Variants in FAM169A observed in about 807,000 individuals in gnomAD.
FAM169A encodes soluble lamin-associated protein of 75 kDa.
A neutral mutation model predicts 75.7 loss-of-function variants in FAM169A; 24 were observed. The ratio of observed to expected loss-of-function variants is 0.32; its 90% CI spans 0.23 to 0.45. FAM169A has a LOEUF of 0.45. FAM169A is among the 20% of genes least tolerant of loss of function. The pLI is 1.00. For synonymous variants in FAM169A, 271 were observed against 271.0 expected (o/e 1.00, Z 0.00); for missense variants, 673 against 784.0 (o/e 0.86, Z 1.69).
At chr5:74,791,540 G>A (rs112899446) in intron 11 of FAM169A, among the ~76,000 whole-genome samples, 10,416 of 152,284 alleles carry the variant, frequency 0.068, 808 homozygotes, top group African/African-American at 0.19. Flanking sequence ...AACAGGCTAA[G>A]GAGGGAGTTA....
At chr5:74,851,409 T>A (rs1749438922) in intron 1 of FAM169A, among the ~76,000 whole-genome samples, 1 of 152,144 alleles carries the variant, frequency 6.6e-6, no homozygotes, top group Admixed American at 6.5e-5. Context: ...ATGAAACTCA[T>A]AAAGTTATTT....
At chr5:74,808,500 T>C (rs765016385) in intron 6 of FAM169A, among the ~76,000 whole-genome samples, 1 of 152,088 alleles carries the variant, frequency 6.6e-6, no homozygotes, top group Non-Finnish European at 1.5e-5. Flanking sequence ...GGGAGTTAAT[T>C]GTTTAATGGG....
chr5:74,856,036 A>T (rs1047115127), intron 1 of FAM169A, among the ~76,000 whole-genome samples: 4 of 152,156 alleles, frequency 2.6e-5, no homozygotes, highest in African/African-American at 7.2e-5. Flanking sequence ...TATTAAAGAG[A>T]TTTTCCTTTC....
chr5:74,815,115 C>T (rs531822330), intron 5 of FAM169A, among the ~76,000 whole-genome samples: 1 of 152,096 alleles, frequency 6.6e-6, no homozygotes, highest in African/African-American at 2.4e-5. Context: ...GAACAATCTC[C>T]GAGACTACCG....
chr5:74,799,861 A>C, intron 10 of FAM169A: 1 of 1,016,772 alleles, frequency 9.8e-7, no homozygotes, highest in Non-Finnish European at 1.6e-6. Flanking sequence ...GACATTCCAA[A>C]ACAGAGCATC....
At chr5:74,863,425 T>TATGATTC (rs1425802653) in intron 1 of FAM169A, among the ~76,000 whole-genome samples, 4 of 152,194 alleles carry the variant, frequency 2.6e-5, no homozygotes, top group Non-Finnish European at 2.9e-5. Context: ...ATTCCTTTTT[T>TATGATTC]CACTTAGAAT....
intron 5 of FAM169A, among the ~76,000 whole-genome samples, chr5:74,825,670 A>T (rs1747985235): frequency 6.6e-6 from 1 of 152,098 alleles, no homozygotes; most frequent in African/African-American, 2.4e-5. Context: ...ACTCTTTATT[A>T]ATTTGACGGG....
intron 5 of FAM169A, among the ~76,000 whole-genome samples, chr5:74,830,184 AAG>A (rs1748241034): frequency 6.6e-6 from 1 of 152,146 alleles, no homozygotes; most frequent in African/African-American, 2.4e-5. Flanking sequence ...ACAACATAAA[AAG>A]AGAGGAAAGA....
At position 74,781,943 on chromosome 5, in the gene FAM169A, C is replaced by T. The variant is rs1745432953; in HGVS notation, c.1530G>A (p.Met510Ile). 3.1e-6 allele frequency: 5 copies of T among 1,614,024 alleles called. No homozygotes were observed. Among genetic ancestry groups the T allele is most frequent in the Non-Finnish European group, 4.2e-6 (5 of 1,179,946 alleles). The change falls in exon 13 of 13, where the codon ATG (methionine) becomes ATA (isoleucine). Residue 510 changes from methionine (M) to isoleucine (I), a missense_variant. Physicochemically the swap from Met to Ile is conservative, Grantham distance 10. This residue lies in a region of FAM169A where 510 missense variants were observed against 550.9 expected (regional missense o/e 0.93). Coordinates refer to ENST00000687041, the MANE Select transcript of FAM169A (RefSeq NM_001376049.1). ...TTGGAAGTAGGGACAATTTCTCTTC[C>T]ATGTGCCCCTTTTCATCAGATGTGC... ...DEGTSDEKGH[M>I]EEKLSLLPRK...
At chr5:74,858,060 A>G (rs1749815707) in intron 1 of FAM169A, among the ~76,000 whole-genome samples, 1 of 152,060 alleles carries the variant, frequency 6.6e-6, no homozygotes, top group African/African-American at 2.4e-5. Context: ...GATGTCTACA[A>G]TTTGGGTACT....
At chr5:74,852,210 C>CA (rs1285541051) in intron 1 of FAM169A, among the ~76,000 whole-genome samples, 1 of 152,160 alleles carries the variant, frequency 6.6e-6, no homozygotes, top group Non-Finnish European at 1.5e-5. Flanking sequence ...CATGGGCTGC[C>CA]ATTATATAGC....
At position 74,778,890 on chromosome 5, in the gene FAM169A, A is replaced by AT. The variant is rs1216201634; in HGVS notation, c.*2569dup. The AT allele has an allele frequency of 6.6e-6, 1 of 152,036 alleles. No individual in the cohort carries two copies. Among genetic ancestry groups the AT allele is most frequent in the Non-Finnish European group, 1.5e-5 (1 of 67,912 alleles). 9.4% of individuals were successfully genotyped at this position (152,036 alleles called of 1,614,324 possible). ...ATTTTCAGTCCTCTGTAATTGTGAAATTTTTTCTAATGCCTTGCAAAAACT... is the reference window on the plus strand; with the variant it reads ...ATTTTCAGTCCTCTGTAATTGTGAAATTTTTTTCTAATGCCTTGCAAAAACT... On this transcript the variant is annotated 3_prime_UTR_variant, in exon 13 of 13. Transcript: ENST00000687041.
intron 1 of FAM169A, among the ~76,000 whole-genome samples, chr5:74,845,740 G>T (rs1215151623): frequency 5.3e-5 from 8 of 152,258 alleles, no homozygotes; most frequent in Admixed American, 4.6e-4. Flanking sequence ...CACAAGATTT[G>T]CAGCCAACTT....
intron 5 of FAM169A, among the ~76,000 whole-genome samples, chr5:74,828,098 TAAG>T (rs1488717044): frequency 6.6e-6 from 1 of 152,226 alleles, no homozygotes; most frequent in African/African-American, 2.4e-5. Flanking sequence ...CTTGTTCAAA[TAAG>T]AAGGAACCAG....
chr5:74,866,323 G>A lies in FAM169A; in HGVS notation c.-162C>T. On this transcript the variant is annotated 5_prime_UTR_variant, in exon 1 of 13. Transcript: ENST00000687041. The stretch of plus-strand genomic sequence containing the variant: ...AGTGCGGCTGCCTCCCGCTCGCCCC[G>A]GACGCCCGGCTCCTCGTCGCGGGTC... 2 of 983,740 alleles carry A rather than the reference G, an allele frequency of 2.0e-6. No individual in the cohort carries two copies. The highest frequency in any genetic ancestry group is 2.4e-6 in the Non-Finnish European group (2 of 829,478). 60.9% of individuals were successfully genotyped at this position (983,740 alleles called of 1,614,324 possible).
chr5:74,839,081 G>T, intron 3 of FAM169A, 31 bp from the exon 4 acceptor site: 1 of 1,497,470 alleles, frequency 6.7e-7, no homozygotes, highest in Non-Finnish European at 9.3e-7. Context: ...ATTAACACTT[G>T]AGTTTTAAAG....
chr5:74,799,530 G>C (rs1216616962), intron 10 of FAM169A: 1 of 1,560,162 alleles, frequency 6.4e-7, no homozygotes, highest in East Asian at 2.2e-5. Context: ...TGGATGAAAA[G>C]CTGGCCAGCA....
At chr5:74,817,262 T>C (rs1747516883) in intron 5 of FAM169A, among the ~76,000 whole-genome samples, 2 of 152,072 alleles carry the variant, frequency 1.3e-5, no homozygotes, top group Admixed American at 6.5e-5. Flanking sequence ...AAACAGTCTC[T>C]ATTTGCAGGT....
At chr5:74,833,581 G>C (rs187371319) in intron 5 of FAM169A, among the ~76,000 whole-genome samples, 1 of 152,308 alleles carries the variant, frequency 6.6e-6, no homozygotes, top group Admixed American at 6.5e-5. Context: ...AGTCACAACT[G>C]TTCATTAGAT....
Sources: allele counts gnomAD v4.1 joint callset (sites outside exome capture counted in the v4.1 genomes callset), GRCh38; gene constraint gnomAD v4.1.1; regional missense constraint gnomAD v4.1.1; transcripts MANE v1.5; gene names NCBI Gene and HGNC (gene_info 2026-07-23, HGNC 2026-07-21).